Variants in SRGAP3 observed in about 807,000 individuals in gnomAD.
The protein encoded by SRGAP3 is SLIT-ROBO Rho GTPase activating protein 3.
SRGAP3 carries 39 observed loss-of-function variants against 121.1 expected under a neutral mutation model. The observed-to-expected ratio is 0.32, with a 90% CI of 0.25 to 0.42. SRGAP3 has a LOEUF of 0.42. Ranked by LOEUF, SRGAP3 falls within the 10% of genes least tolerant of loss-of-function variation. SRGAP3 has a pLI of 1.00. For missense variants in SRGAP3, 1,213 were observed against 1,470.6 expected (o/e 0.82, Z 2.86); for synonymous variants, 601 against 570.0 (o/e 1.05, Z -0.77).
chr3:9,274,536 G>A (rs1954535588), intron 3 of SRGAP3, among the ~76,000 whole-genome samples: 1 of 152,240 alleles, frequency 6.6e-6, no homozygotes. Context: ...CCCAGAAGGA[G>A]CGTTACAGTG....
At chr3:8,986,731 A>C (rs749006845) in intron 21 of SRGAP3, among the ~76,000 whole-genome samples, 4 of 145,604 alleles carry the variant, frequency 2.7e-5, no homozygotes, top group Non-Finnish European at 5.9e-5. Flanking sequence ...ATAATCAGAA[A>C]ATTTTTTTAA....
chr3:9,179,364 G>A (rs1951296246), intron 1 of SRGAP3, among the ~76,000 whole-genome samples: 1 of 152,252 alleles, frequency 6.6e-6, no homozygotes, highest in Middle Eastern at 3.4e-3. Flanking sequence ...AAGCAACCTT[G>A]GGCAAGTTAC....
At chr3:9,324,451 T>C (rs1955483757) in intron 3 of SRGAP3, among the ~76,000 whole-genome samples, 1 of 151,906 alleles carries the variant, frequency 6.6e-6, no homozygotes, top group South Asian at 2.1e-4. Flanking sequence ...GAATAAAGAC[T>C]GAGTAGAAGC....
chr3:9,189,187 G>C (rs1195365017), intron 1 of SRGAP3, among the ~76,000 whole-genome samples: 2 of 152,192 alleles, frequency 1.3e-5, no homozygotes, highest in Admixed American at 1.3e-4. Context: ...AGTCAATCTT[G>C]TCTCCTTTCT....
chr3:9,335,899 C>T (rs777068379), intron 1 of SRGAP3, among the ~76,000 whole-genome samples: 2 of 151,990 alleles, frequency 1.3e-5, no homozygotes, highest in African/African-American at 2.4e-5. Flanking sequence ...TCTTGCTTAT[C>T]CAGCCTTTAG....
At chr3:9,079,307 C>T (rs1009893809) in intron 4 of SRGAP3, among the ~76,000 whole-genome samples, 3 of 152,144 alleles carry the variant, frequency 2.0e-5, no homozygotes, top group African/African-American at 4.8e-5. Flanking sequence ...CTCCCCATAT[C>T]TCTCCATGGG....
intron 1 of SRGAP3, chr3:9,217,406 G>A (rs1207351990): frequency 6.6e-6 from 1 of 152,160 alleles, no homozygotes; most frequent in East Asian, 1.9e-4. Flanking sequence ...ACCCTCCAAG[G>A]GGGCACGTCA....
At chr3:9,058,647 G>C in intron 6 of SRGAP3, 175 bp from the exon 7 acceptor site, 1 of 641,290 alleles carries the variant, frequency 1.6e-6, no homozygotes, top group Non-Finnish European at 2.7e-6. Context: ...CCCCTCAAGG[G>C]GAGTTGCGGT....
At chr3:8,990,452 T>A in intron 21 of SRGAP3, 60 bp downstream of exon 21, 1 of 1,544,118 alleles carries the variant, frequency 6.5e-7, no homozygotes, top group East Asian at 2.4e-5. Flanking sequence ...CTCCACGGAT[T>A]CCCACCCGCT....
At chr3:9,010,213 A>C in intron 18 of SRGAP3, 95 bp downstream of exon 18, 4 of 1,380,442 alleles carry the variant, frequency 2.9e-6, no homozygotes, top group Non-Finnish European at 4.1e-6. Context: ...AAAGCTGAAG[A>C]GGTCTATGTG....
At chr3:9,068,270 A>G (rs145979454) in intron 4 of SRGAP3, among the ~76,000 whole-genome samples, 254 of 152,282 alleles carry the variant, frequency 1.7e-3, no homozygotes, top group Middle Eastern at 0.01. Flanking sequence ...ATCACCATGC[A>G]TCCATCCACT....
chr3:9,066,876 G>A (rs1946457913), intron 4 of SRGAP3, among the ~76,000 whole-genome samples: 2 of 152,168 alleles, frequency 1.3e-5, no homozygotes, highest in Non-Finnish European at 2.9e-5. Context: ...AGGAGTCAAT[G>A]TGGCAACATA....
chr3:9,134,536 C>T (rs140150006), intron 1 of SRGAP3, among the ~76,000 whole-genome samples: 2 of 152,228 alleles, frequency 1.3e-5, no homozygotes, highest in Admixed American at 6.5e-5. Context: ...ACGGATGAAG[C>T]AATTGAGATT....
At chr3:9,329,399 T>TG in intron 2 of SRGAP3, among the ~76,000 whole-genome samples, 1 of 152,114 alleles carries the variant, frequency 6.6e-6, no homozygotes, top group East Asian at 1.9e-4. Flanking sequence ...AAAGGAAAAA[T>TG]GATCTTTTTT....
chr3:9,060,087 C>T (rs776559943), intron 6 of SRGAP3, 144 bp downstream of exon 6: 9 of 1,308,376 alleles, frequency 6.9e-6, no homozygotes, highest in Non-Finnish European at 8.7e-6. Context: ...CAAATCACTG[C>T]CCTTCCCCTC....
intron 1 of SRGAP3, among the ~76,000 whole-genome samples, chr3:9,204,823 G>A (rs1454884573): frequency 6.6e-6 from 1 of 152,238 alleles, no homozygotes; most frequent in Non-Finnish European, 1.5e-5. Context: ...TTGTCGCTGG[G>A]GAGCACGGAG....
rs1011529836 is a variant in SRGAP3, at chr3:8,983,233, G to A, written c.*2286C>T. ...TGGGCAGGTCACAGCACAGCCCAAG[G>A]CCTTACTCTCTTAAGCTGTAAAATG... is the stretch of plus-strand genomic sequence containing the variant. On this transcript the variant is annotated 3_prime_UTR_variant, in exon 22 of 22. Coordinates refer to ENST00000383836, the MANE Select transcript of SRGAP3 (RefSeq NM_014850.4). 8.8e-6 allele frequency: 2 copies of A among 227,016 alleles called. No homozygotes were observed. The highest frequency in any genetic ancestry group is 1.3e-3 in the Middle Eastern group (1 of 772). 14.1% of individuals were successfully genotyped at this position (227,016 alleles called of 1,614,324 possible). A position where few individuals can be genotyped will look rare whatever the true frequency, so the allele number is the denominator to read the frequency against.
intron 3 of SRGAP3, among the ~76,000 whole-genome samples, chr3:9,271,232 G>A (rs752644469): frequency 9.9e-5 from 15 of 152,204 alleles, no homozygotes; most frequent in Admixed American, 1.3e-4. Context: ...TACCTGGGAG[G>A]CTGAGGCACA....
intron 1 of SRGAP3, among the ~76,000 whole-genome samples, chr3:9,195,477 T>C (rs1172067208): frequency 6.6e-6 from 1 of 151,990 alleles, no homozygotes; most frequent in Non-Finnish European, 1.5e-5. Context: ...GAGGAACAAC[T>C]TGTGGTGTGA....
Sources: allele counts gnomAD v4.1 joint callset (sites outside exome capture counted in the v4.1 genomes callset), GRCh38; gene constraint gnomAD v4.1.1; transcripts MANE v1.5; gene names NCBI Gene and HGNC (gene_info 2026-07-23, HGNC 2026-07-21).